The following GRIK4 variants were observed in gnomAD, a reference collection of about 807,000 sequenced individuals.
GRIK4 encodes the protein glutamate receptor ionotropic, kainate 4.
GRIK4 carries 40 observed loss-of-function variants against 104.9 expected under a neutral mutation model. The observed-to-expected ratio is 0.38, with a 90% CI of 0.30 to 0.50. The LOEUF (loss-of-function observed/expected upper bound fraction) is 0.50. GRIK4 is among the 20% of genes least tolerant of loss of function. The probability of loss-of-function intolerance (pLI) is 0.93; values close to 1 mark genes in which losing one functional copy is unlikely to be tolerated. For synonymous variants in GRIK4, 485 were observed against 524.9 expected (o/e 0.92, Z 1.04); for missense variants, 1,047 against 1,308.1 (o/e 0.80, Z 3.08).
At chr11:120,943,232 C>T (rs1943772472) in intron 14 of GRIK4, among the ~76,000 whole-genome samples, 1 of 151,738 alleles carries the variant, frequency 6.6e-6, no homozygotes, top group Non-Finnish European at 1.5e-5. Context: ...GCTGCCTAGA[C>T]CTGATTGATA....
At chr11:120,605,339 G>A (rs570868691) in intron 1 of GRIK4, among the ~76,000 whole-genome samples, 3 of 152,298 alleles carry the variant, frequency 2.0e-5, no homozygotes, top group South Asian at 4.1e-4. Context: ...AACAGTAGGT[G>A]GGCCAGTCTC....
At chr11:120,884,745 C>T (rs933771860) in intron 11 of GRIK4, among the ~76,000 whole-genome samples, 1 of 152,262 alleles carries the variant, frequency 6.6e-6, no homozygotes, top group African/African-American at 2.4e-5. Flanking sequence ...ACAAGAGCTG[C>T]CGACACCCTC....
At chr11:120,841,526 C>T (rs1011134975) in intron 8 of GRIK4, among the ~76,000 whole-genome samples, 22 of 152,258 alleles carry the variant, frequency 1.4e-4, no homozygotes, top group African/African-American at 5.1e-4. Flanking sequence ...TCGATGGACA[C>T]GTGGGTCGCC....
chr11:120,685,833 G>A (rs974760782), intron 3 of GRIK4, among the ~76,000 whole-genome samples: 10 of 151,996 alleles, frequency 6.6e-5, no homozygotes, highest in South Asian at 2.1e-4. Context: ...TGTCTCTTTT[G>A]CTGATGATTC....
intron 3 of GRIK4, among the ~76,000 whole-genome samples, chr11:120,665,130 G>C (rs1007983448): frequency 2.0e-5 from 3 of 152,040 alleles, no homozygotes; most frequent in Admixed American, 1.3e-4. Flanking sequence ...GGGGAGACAA[G>C]GGAAAAGGAT....
intron 11 of GRIK4, among the ~76,000 whole-genome samples, chr11:120,882,245 G>A (rs577262065): frequency 4.6e-4 from 70 of 152,264 alleles, no homozygotes; most frequent in Middle Eastern, 6.8e-3. Flanking sequence ...AGGGGGGTGG[G>A]AGGGGGAAGG....
chr11:120,951,402 G>A (rs1943997773), intron 14 of GRIK4, among the ~76,000 whole-genome samples: 1 of 152,210 alleles, frequency 6.6e-6, no homozygotes, highest in Non-Finnish European at 1.5e-5. Flanking sequence ...AGCTCAGAAG[G>A]CTGGTTGAGT....
chr11:120,869,884 G>A (rs148052691), intron 9 of GRIK4: 7 of 152,358 alleles, frequency 4.6e-5, no homozygotes, highest in East Asian at 1.9e-4. Flanking sequence ...GTGAGAAAAC[G>A]GAAATGTGTT....
chr11:120,833,992 A>G (rs1416184817), intron 7 of GRIK4, among the ~76,000 whole-genome samples: 3 of 152,232 alleles, frequency 2.0e-5, no homozygotes, highest in African/African-American at 7.2e-5. Context: ...TTGGAGATAC[A>G]GGTTGTTTCA....
intron 4 of GRIK4, among the ~76,000 whole-genome samples, chr11:120,804,173 C>T (rs1382998982): frequency 1.3e-5 from 2 of 152,228 alleles, no homozygotes; most frequent in Admixed American, 1.3e-4. Context: ...TATCTATTCC[C>T]TAAGACTTTG....
intron 14 of GRIK4, among the ~76,000 whole-genome samples, chr11:120,941,729 A>G (rs1053363823): frequency 1.3e-5 from 2 of 152,140 alleles, no homozygotes; most frequent in Non-Finnish European, 2.9e-5. Context: ...TTTACAAGCC[A>G]AGGGACACCG....
chr11:120,928,565 G>A (rs1363842157), intron 13 of GRIK4, among the ~76,000 whole-genome samples: 2 of 152,110 alleles, frequency 1.3e-5, no homozygotes, highest in African/African-American at 4.8e-5. Flanking sequence ...AGGGTCAAGG[G>A]TAAATAGTAT....
chr11:120,940,535 T>A lies in GRIK4; in HGVS notation c.1590+75T>A, dbSNP rs111615633. ...CAAACACTGAGTTATACGGGAATAA[T>A]GAATGACTCATGGAAATATTTAGAT... On this transcript the variant is annotated intron_variant, in intron 14 of 20. Coordinates refer to ENST00000527524, the MANE Select transcript of GRIK4 (RefSeq NM_014619.5). The surrounding 1 kb of genome is among the most constrained non-coding windows in gnomAD (Gnocchi z 4.3). The A allele has an allele frequency of 2.5e-6, 2 of 809,038 alleles. No individual in the cohort carries two copies. Among genetic ancestry groups the A allele is most frequent in the Non-Finnish European group, 4.1e-6 (2 of 483,188 alleles). 50.1% of individuals were successfully genotyped at this position (809,038 alleles called of 1,614,324 possible).
Position 120,913,986 on chromosome 11 carries a change from G to A in GRIK4, c.1476+8493G>A, listed in dbSNP as rs1373853396. Among the ~76,000 whole-genome samples, 3 of 152,310 alleles carry A rather than the reference G, an allele frequency of 2.0e-5. No individual in the cohort carries two copies. The East Asian group carries it at 5.8e-4, about 29-fold the overall frequency. ...CTTTAAAATAAAGATACTGATCCAG[G>A]GGCCAAAGTGGAGTGTTCCACTCCT... On this transcript the variant is annotated intron_variant, in intron 13 of 20. Transcript: ENST00000527524.
chr11:120,687,047 A>G (rs1565295322), intron 3 of GRIK4, among the ~76,000 whole-genome samples: 1 of 152,242 alleles, frequency 6.6e-6, no homozygotes, highest in Non-Finnish European at 1.5e-5. Context: ...ACTGTTTTGA[A>G]TTCATGCTAG....
chr11:120,837,142 C>A (rs1483573378), intron 8 of GRIK4, among the ~76,000 whole-genome samples: 2 of 152,212 alleles, frequency 1.3e-5, no homozygotes, highest in African/African-American at 4.8e-5. Flanking sequence ...TACTGGCCTG[C>A]AGTCTAGTCT....
In GRIK4 at chr11:120,873,982, A is replaced by G. The variant is rs1224807559; in HGVS notation, c.907-84A>G. 45 of 1,221,244 alleles carry G rather than the reference A, an allele frequency of 3.7e-5. No homozygotes were observed. In the Admixed American group the frequency reaches 7.6e-4, roughly 21 times the overall value. 75.7% of individuals were successfully genotyped at this position (1,221,244 alleles called of 1,614,324 possible). On this transcript the variant is annotated intron_variant, in intron 9 of 20. Coordinates refer to ENST00000527524, the MANE Select transcript of GRIK4 (RefSeq NM_014619.5). ...CTTTTGCTTTCTCTTTTCTTCCTCC[A>G]TTCCTCTTATTTTCTCCCTCCCCTC...
intron 13 of GRIK4, chr11:120,936,288 T>A: frequency 1.9e-6 from 1 of 513,054 alleles, no homozygotes; most frequent in South Asian, 1.4e-5. Context: ...CTTTGCAACA[T>A]CACCAATGGA....
Position 120,831,746 on chromosome 11 carries a change from C to CT in GRIK4, c.512-106_512-105insT, listed in dbSNP as rs1403867482. The stretch of plus-strand genomic sequence containing the variant: ...AATGCTGTCAGTGGGGCCAGACCCC[C>CT]CGACCCCACTTCCAGCCCACATCTC... On this transcript the variant is annotated intron_variant, in intron 6 of 20. Coordinates refer to ENST00000527524, the MANE Select transcript of GRIK4 (RefSeq NM_014619.5). The CT allele has an allele frequency of 1.5e-5, 12 of 797,854 alleles. No homozygotes were observed. The African/African-American group carries it at 2.1e-4, about 14-fold the overall frequency. 49.4% of individuals were successfully genotyped at this position (797,854 alleles called of 1,614,324 possible). A position where few individuals can be genotyped will look rare whatever the true frequency, so the allele number is the denominator to read the frequency against.
Sources: gnomAD v4.1 joint callset for allele counts (sites outside exome capture counted in the v4.1 genomes callset) on GRCh38, gnomAD v4.1.1 for gene constraint, Gnocchi (gnomAD v3.1) non-coding constraint, MANE v1.5 for transcripts, NCBI Gene and HGNC (gene_info 2026-07-23, HGNC 2026-07-21) for gene names.